CCDC85C: variants seen among roughly 807,000 people sequenced by gnomAD.
CCDC85C encodes coiled-coil domain containing 85C, also known as coiled-coil domain-containing protein 85C.
CCDC85C carries 18 observed loss-of-function variants against 38.3 expected under a neutral mutation model. The observed-to-expected ratio is 0.47, with a 90% CI of 0.33 to 0.70. The LOEUF (loss-of-function observed/expected upper bound fraction) is 0.70. Among genes scored for constraint, CCDC85C ranks in the 30% least tolerant of loss-of-function variants. The pLI, the probability that CCDC85C is intolerant of heterozygous loss-of-function variation, is 0.03. For synonymous variants in CCDC85C, 264 were observed against 293.8 expected, an observed-to-expected ratio of 0.90 and a Z score of 1.04; for missense variants, 566 against 621.2, an observed-to-expected ratio of 0.91 and a Z score of 0.94.
intron 1 of CCDC85C, among the ~76,000 whole-genome samples, chr14:99,577,968 C>T (rs1898527068): frequency 6.8e-6 from 1 of 146,318 alleles, no homozygotes; most frequent in Non-Finnish European, 1.5e-5. Context: ...CCATACAGCC[C>T]ATCCTGTATC....
At position 99,501,033 on chromosome 14, in the gene CCDC85C, C is replaced by A. The variant is rs1333693183; in HGVS notation, c.*14213G>T. The A allele has an allele frequency of 3.2e-6, 2 of 620,692 alleles. No homozygotes were observed. The highest frequency in any genetic ancestry group is 3.2e-5 in the Admixed American group (1 of 31,644). 38.4% of individuals were successfully genotyped at this position (620,692 alleles called of 1,614,324 possible). On this transcript the variant is annotated 3_prime_UTR_variant, in exon 6 of 6. Coordinates refer to ENST00000380243, the MANE Select transcript of CCDC85C (RefSeq NM_001144995.2). Reference sequence around the variant, plus strand: ...CAATTCAGCATTGCAGCTGCTAATGCTGTTTCCTTTTATGTATAAACAGGC... The same window carrying A: ...CAATTCAGCATTGCAGCTGCTAATGATGTTTCCTTTTATGTATAAACAGGC...
Position 99,569,575 on chromosome 14 carries a change from C to T in CCDC85C, c.794-33487G>A, listed in dbSNP as rs191260038. ...GAACAGACAAGAGACAGTGATTCAA[C>T]GGTCCCAGGCCAAAAAGCCAGGACA... On this transcript the variant is annotated intron_variant, in intron 1 of 5. Coordinates refer to ENST00000380243, the MANE Select transcript of CCDC85C (RefSeq NM_001144995.2). This position sits in a 1 kb window ranked among gnomAD's most constrained non-coding sequence, Gnocchi z 4.3. 3.9e-5 allele frequency among the ~76,000 whole-genome samples: 6 copies of T among 152,276 alleles called. No homozygotes were observed. The highest frequency in any genetic ancestry group is 2.6e-4 in the Admixed American group (4 of 15,302).
intron 1 of CCDC85C, among the ~76,000 whole-genome samples, chr14:99,560,781 C>A (rs1208061938): frequency 6.6e-6 from 1 of 152,240 alleles, no homozygotes; most frequent in Non-Finnish European, 1.5e-5. Flanking sequence ...CGCAGAACAC[C>A]AAGCGAGCAG....
chr14:99,592,905 T>C (rs2055102789), intron 1 of CCDC85C, among the ~76,000 whole-genome samples: 1 of 152,190 alleles, frequency 6.6e-6, no homozygotes, highest in Non-Finnish European at 1.5e-5. Flanking sequence ...GAGGGGAGCC[T>C]TCCCCTGCCA....
At chr14:99,532,459 C>A (rs904297991) in intron 2 of CCDC85C, among the ~76,000 whole-genome samples, 2 of 152,226 alleles carry the variant, frequency 1.3e-5, no homozygotes, top group African/African-American at 4.8e-5. Flanking sequence ...ACTGGCCTGC[C>A]AGCCCTGCAT....
At chr14:99,532,799 T>TG (rs67217290) in intron 2 of CCDC85C, among the ~76,000 whole-genome samples, 1 of 148,582 alleles carries the variant, frequency 6.7e-6, no homozygotes, top group Non-Finnish European at 1.5e-5. Context: ...TTTTTTTTTT[T>TG]GAGGTGGAGT....
intron 1 of CCDC85C, among the ~76,000 whole-genome samples, chr14:99,589,227 C>G (rs961007740): frequency 6.6e-6 from 1 of 151,964 alleles, no homozygotes; most frequent in Non-Finnish European, 1.5e-5. Context: ...AGAGTGAGCC[C>G]TGAGGACAGC....
At chr14:99,534,551 C>A (rs373328144) in intron 2 of CCDC85C, 1 of 693,146 alleles carries the variant, frequency 1.4e-6, no homozygotes, top group Non-Finnish European at 2.6e-6. Flanking sequence ...AGAGCAGTAG[C>A]CCCTGCCACC....
chr14:99,514,216 G>A lies in CCDC85C; in HGVS notation c.*1030C>T, dbSNP rs1435674265. ...GAGACCTGTTTCCACCAAGAGCCCA[G>A]ACAGGCTGAGTGAACTGCTAAAGGT... On this transcript the variant is annotated 3_prime_UTR_variant, in exon 6 of 6. Coordinates refer to ENST00000380243, the MANE Select transcript of CCDC85C (RefSeq NM_001144995.2). 6.6e-6 allele frequency: 1 copy of A among 152,418 alleles called. No homozygotes were observed. Among genetic ancestry groups the A allele is most frequent in the Non-Finnish European group, 1.5e-5 (1 of 68,188 alleles). The allele number at this position is 152,418 out of a possible 1,614,324, so 9.4% of individuals were successfully genotyped here.
intron 1 of CCDC85C, among the ~76,000 whole-genome samples, chr14:99,593,630 C>T (rs1385076051): frequency 6.6e-6 from 1 of 152,246 alleles, no homozygotes; most frequent in Non-Finnish European, 1.5e-5. Flanking sequence ...CAGGCAGGGC[C>T]GTTTACTCCT....
At chr14:99,579,963 A>G (rs2054947695) in intron 1 of CCDC85C, 1 of 440,130 alleles carries the variant, frequency 2.3e-6, no homozygotes, top group Non-Finnish European at 4.6e-6. Context: ...TGGCCAGGGT[A>G]GGGCATTAAT....
chr14:99,565,665 T>C (rs1898201969), intron 1 of CCDC85C, among the ~76,000 whole-genome samples: 1 of 152,196 alleles, frequency 6.6e-6, no homozygotes, highest in Non-Finnish European at 1.5e-5. Flanking sequence ...CCTCTCTCCC[T>C]GGTGCAGGTG....
chr14:99,593,571 A>G (rs933334373), intron 1 of CCDC85C, among the ~76,000 whole-genome samples: 2 of 152,236 alleles, frequency 1.3e-5, no homozygotes, highest in Non-Finnish European at 2.9e-5. Context: ...AGCCTCGCCA[A>G]AGCCATCTCT....
Position 99,603,154 on chromosome 14 carries a change from G to T in CCDC85C, c.793+13C>A. 7.4e-7 allele frequency: 1 copy of T among 1,351,230 alleles called. No homozygotes were observed. The highest frequency in any genetic ancestry group is 1.8e-5 in the South Asian group (1 of 55,728). The allele number at this position is 1,351,230 out of a possible 1,614,324, so 83.7% of individuals were successfully genotyped here. A position where few individuals can be genotyped will look rare whatever the true frequency, so the allele number is the denominator to read the frequency against. On this transcript the variant is annotated intron_variant, in intron 1 of 5. Coordinates refer to ENST00000380243, the MANE Select transcript of CCDC85C (RefSeq NM_001144995.2). The surrounding 1 kb of genome is among the most constrained non-coding windows in gnomAD (Gnocchi z 7.5). ...CAGGGAGACCCGCGCTGCCCGGCCC[G>T]TGTAGTCCTTACCGTGCAGGCCGTT...
At chr14:99,578,882 T>C (rs2054933567) in intron 1 of CCDC85C, among the ~76,000 whole-genome samples, 1 of 152,016 alleles carries the variant, frequency 6.6e-6, no homozygotes. Context: ...TGGAAGGCTC[T>C]AGGTGACAGG....
At chr14:99,600,986 T>C (rs994441221) in intron 1 of CCDC85C, among the ~76,000 whole-genome samples, 18 of 152,046 alleles carry the variant, frequency 1.2e-4, no homozygotes, top group Admixed American at 2.6e-4. Flanking sequence ...GAGTGTTCCA[T>C]TGCACTCTAG....
chr14:99,503,761 C>G lies in CCDC85C; in HGVS notation c.*11485G>C. On this transcript the variant is annotated 3_prime_UTR_variant, in exon 6 of 6. Coordinates refer to ENST00000380243, the MANE Select transcript of CCDC85C (RefSeq NM_001144995.2). ...TTGGCCTTAAATCTTAACTTTAGAG[C>G]TCATACAAAACTTTTCCATCAGCAT... The G allele has an allele frequency of 1.2e-6, 1 of 864,060 alleles. No homozygotes were observed. The highest frequency in any genetic ancestry group is 1.8e-6 in the Non-Finnish European group (1 of 556,084). The allele number at this position is 864,060 out of a possible 1,614,324, so 53.5% of individuals were successfully genotyped here.
At chr14:99,587,573 C>T (rs907518693) in intron 1 of CCDC85C, among the ~76,000 whole-genome samples, 5 of 152,334 alleles carry the variant, frequency 3.3e-5, no homozygotes, top group East Asian at 3.9e-4. Flanking sequence ...ACAGCCCCTC[C>T]GCAAGGTCAG....
chr14:99,525,000 C>T (rs1173339147), intron 2 of CCDC85C, among the ~76,000 whole-genome samples: 2 of 152,220 alleles, frequency 1.3e-5, no homozygotes, highest in African/African-American at 4.8e-5. Flanking sequence ...AAACACTCAG[C>T]GTGGCCCCTT....
Sources: gnomAD v4.1 joint callset for allele counts (sites outside exome capture counted in the v4.1 genomes callset) on GRCh38, gnomAD v4.1.1 for gene constraint, Gnocchi (gnomAD v3.1) non-coding constraint, MANE v1.5 for transcripts, NCBI Gene and HGNC (gene_info 2026-07-23, HGNC 2026-07-21) for gene names.